Variants in RERE observed in about 807,000 individuals in gnomAD.
The protein encoded by RERE is arginine-glutamic acid dipeptide repeats, also known as arginine-glutamic acid dipeptide repeats protein.
In RERE, 40 loss-of-function variants were observed where a neutral mutation model predicts 146.1. That is an observed-to-expected ratio of 0.27 (90% CI 0.21 to 0.36). RERE has a LOEUF of 0.36. Ranked by LOEUF, RERE falls within the 10% of genes least tolerant of loss-of-function variation. The probability of loss-of-function intolerance (pLI) is 1.00; values close to 1 mark genes in which losing one functional copy is unlikely to be tolerated. For missense variants in RERE, 1,933 were observed against 2,138.7 expected (o/e 0.90, Z 1.90); for synonymous variants, 1,003 against 866.0 (o/e 1.16, Z -2.78).
At chr1:8,521,486 T>A (rs570368683) in intron 7 of RERE, among the ~76,000 whole-genome samples, 8 of 152,290 alleles carry the variant, frequency 5.3e-5, no homozygotes, top group Admixed American at 3.9e-4. Context: ...CTATTTTTTT[T>A]AATTAAAAAT....
intron 10 of RERE, among the ~76,000 whole-genome samples, chr1:8,480,498 T>A (rs531296715): frequency 1.3e-5 from 2 of 151,092 alleles, no homozygotes; most frequent in African/African-American, 4.9e-5. Flanking sequence ...TACAGTGGCA[T>A]GATCTCGGCT....
At chr1:8,590,006 T>G (rs1442110598) in intron 4 of RERE, among the ~76,000 whole-genome samples, 1 of 152,198 alleles carries the variant, frequency 6.6e-6, no homozygotes, top group Non-Finnish European at 1.5e-5. Flanking sequence ...ATGCTTTTTT[T>G]GCCCTGCTGT....
intron 12 of RERE, among the ~76,000 whole-genome samples, chr1:8,410,248 C>T (rs1643576430): frequency 6.6e-6 from 1 of 152,088 alleles, no homozygotes; most frequent in Admixed American, 6.5e-5. Context: ...GCCATTGTTG[C>T]CACTTTCTCC....
chr1:8,593,808 T>A (rs6577504), intron 4 of RERE, among the ~76,000 whole-genome samples: 1 of 152,152 alleles, frequency 6.6e-6, no homozygotes, highest in African/African-American at 2.4e-5. Context: ...ACCATTTGAA[T>A]AGCACTGGTC....
chr1:8,700,268 G>A (rs559459614), intron 1 of RERE, among the ~76,000 whole-genome samples: 6 of 152,140 alleles, frequency 3.9e-5, no homozygotes, highest in African/African-American at 1.2e-4. Flanking sequence ...CCATGCCATT[G>A]CACTCCAGCC....
At chr1:8,560,392 C>T (rs1383971234) in intron 4 of RERE, among the ~76,000 whole-genome samples, 1 of 152,150 alleles carries the variant, frequency 6.6e-6, no homozygotes, top group Non-Finnish European at 1.5e-5. Flanking sequence ...AATCACTGGT[C>T]TAGTAATTCA....
chr1:8,457,731 G>A (rs1644469229), intron 11 of RERE, among the ~76,000 whole-genome samples: 1 of 152,026 alleles, frequency 6.6e-6, no homozygotes, highest in Admixed American at 6.6e-5. Context: ...CTTCCATGTA[G>A]CTGAGATTAC....
intron 11 of RERE, 29 bp downstream of exon 11, chr1:8,465,896 G>A (rs912279641): frequency 3.1e-6 from 5 of 1,600,208 alleles, no homozygotes; most frequent in Non-Finnish European, 4.3e-6. Context: ...ATGCCCCAGA[G>A]CACAAGGCAA....
chr1:8,358,081 G>T (rs200735697), intron 20 of RERE, 115 bp downstream of exon 20: 10 of 1,478,646 alleles, frequency 6.8e-6, no homozygotes, highest in East Asian at 2.3e-5. Context: ...ATCTGCCAGG[G>T]ATGAGGGATC....
At chr1:8,416,414 G>A (rs186567816) in intron 12 of RERE, among the ~76,000 whole-genome samples, 77 of 151,996 alleles carry the variant, frequency 5.1e-4, no homozygotes, top group Admixed American at 7.9e-4. Flanking sequence ...TGAAAACCCC[G>A]TCTCTACTAA....
chr1:8,362,961 C>T (rs1300396480), intron 15 of RERE, 117 bp from the exon 16 acceptor site: 1 of 1,203,904 alleles, frequency 8.3e-7, no homozygotes, highest in East Asian at 2.4e-5. Context: ...CTCAGCAAAT[C>T]CCAGACCTTG....
intron 1 of RERE, among the ~76,000 whole-genome samples, chr1:8,736,641 T>C (rs1569671936): frequency 6.6e-6 from 1 of 152,172 alleles, no homozygotes; most frequent in African/African-American, 2.4e-5. Flanking sequence ...TTGTTACCCT[T>C]GGCTTATATC....
chr1:8,696,212 C>T (rs944747452), intron 1 of RERE, among the ~76,000 whole-genome samples: 2 of 152,162 alleles, frequency 1.3e-5, no homozygotes, highest in Admixed American at 6.5e-5. Flanking sequence ...GAAATTAAAT[C>T]GTTCTACCAA....
intron 4 of RERE, among the ~76,000 whole-genome samples, chr1:8,605,766 AAAAAACCCCT>A (rs1570501144): frequency 7.8e-6 from 1 of 128,576 alleles, no homozygotes; most frequent in East Asian, 2.0e-4. Context: ...AAAAAAAAAA[AAAAAACCCCT>A]AAAAAAAGTG....
At chr1:8,676,806 C>G (rs1299965316) in intron 1 of RERE, among the ~76,000 whole-genome samples, 5 of 152,218 alleles carry the variant, frequency 3.3e-5, no homozygotes, top group African/African-American at 1.2e-4. Context: ...TGAGGCAGTT[C>G]TGTGAATCTT....
intron 1 of RERE, among the ~76,000 whole-genome samples, chr1:8,656,940 C>T (rs1237199297): frequency 6.6e-6 from 1 of 152,142 alleles, no homozygotes; most frequent in Admixed American, 6.6e-5. Context: ...AAAGCGAGAT[C>T]CCATCTCCAA....
chr1:8,758,060 G>C (rs1027060840), intron 1 of RERE, among the ~76,000 whole-genome samples: 1 of 151,792 alleles, frequency 6.6e-6, no homozygotes, highest in African/African-American at 2.4e-5. Flanking sequence ...ATGATCCCAC[G>C]TATATGCAGA....
chr1:8,577,540 C>T (rs539175219), intron 4 of RERE, among the ~76,000 whole-genome samples: 1 of 152,202 alleles, frequency 6.6e-6, no homozygotes, highest in Non-Finnish European at 1.5e-5. Flanking sequence ...ACGTTTTCAA[C>T]TGCCTGTAGA....
chr1:8,747,815 G>A (rs564419204), intron 1 of RERE, among the ~76,000 whole-genome samples: 9 of 152,086 alleles, frequency 5.9e-5, no homozygotes, highest in Admixed American at 2.0e-4. Flanking sequence ...TCTGTCGCCC[G>A]CGCTGGAGTA....
Sources: allele counts gnomAD v4.1 joint callset (sites outside exome capture counted in the v4.1 genomes callset), GRCh38; gene constraint gnomAD v4.1.1; transcripts MANE v1.5; gene names NCBI Gene and HGNC (gene_info 2026-07-23, HGNC 2026-07-21).